Variants in TNPO1 observed in about 807,000 individuals in gnomAD.
The protein encoded by TNPO1 is transportin-1.
A neutral mutation model predicts 119.5 loss-of-function variants in TNPO1; 8 were observed. The ratio of observed to expected loss-of-function variants is 0.07; its 90% CI spans 0.04 to 0.12. The LOEUF (loss-of-function observed/expected upper bound fraction) is 0.12. Among genes scored for constraint, TNPO1 ranks in the 10% least tolerant of loss-of-function variants. The probability of loss-of-function intolerance (pLI) is 1.00; values close to 1 mark genes in which losing one functional copy is unlikely to be tolerated. For missense variants in TNPO1, 576 were observed against 1,089.8 expected, an observed-to-expected ratio of 0.53 and a Z score of 6.64; for synonymous variants, 362 against 363.0, an observed-to-expected ratio of 1.00 and a Z score of 0.03.
intron 9 of TNPO1, among the ~76,000 whole-genome samples, chr5:72,880,551 A>G (rs1748162084): frequency 6.6e-6 from 1 of 152,218 alleles, no homozygotes; most frequent in Non-Finnish European, 1.5e-5. Context: ...GCAGTGGCTT[A>G]TGCCTGTAAT....
chr5:72,886,843 C>G (rs573395396), intron 11 of TNPO1, among the ~76,000 whole-genome samples: 17 of 137,362 alleles, frequency 1.2e-4, no homozygotes, highest in Non-Finnish European at 2.3e-4. Flanking sequence ...GAGCCAAGAT[C>G]GCACCACTGC....
chr5:72,816,860 C>G, intron 1 of TNPO1, 108 bp downstream of exon 1: 1 of 1,349,028 alleles, frequency 7.4e-7, no homozygotes, highest in Non-Finnish European at 9.9e-7. Flanking sequence ...CTCGCCCGCT[C>G]TCTCGGCGCC....
intron 22 of TNPO1, among the ~76,000 whole-genome samples, chr5:72,902,916 A>G (rs1314560072): frequency 2.0e-5 from 3 of 152,090 alleles, no homozygotes; most frequent in Admixed American, 6.5e-5. Context: ...ATAAACATAC[A>G]CACACTGTAG....
At chr5:72,828,771 T>C (rs1744320412) in intron 1 of TNPO1, among the ~76,000 whole-genome samples, 1 of 152,168 alleles carries the variant, frequency 6.6e-6, no homozygotes, top group Admixed American at 6.5e-5. Context: ...TTTTATGCTA[T>C]ATTTAGTTGT....
intron 1 of TNPO1, among the ~76,000 whole-genome samples, chr5:72,834,030 T>C (rs959681035): frequency 2.0e-5 from 3 of 152,164 alleles, no homozygotes; most frequent in Non-Finnish European, 4.4e-5. Context: ...CAGTCAACGA[T>C]GGACTACATA....
At chr5:72,860,702 A>G (rs974414094) in intron 4 of TNPO1, among the ~76,000 whole-genome samples, 3 of 152,190 alleles carry the variant, frequency 2.0e-5, no homozygotes, top group Non-Finnish European at 2.9e-5. Flanking sequence ...GCAGTGAAAC[A>G]TACAGGATTA....
chr5:72,823,911 A>G (rs1744094750), intron 1 of TNPO1, among the ~76,000 whole-genome samples: 1 of 152,110 alleles, frequency 6.6e-6, no homozygotes, highest in African/African-American at 2.4e-5. Context: ...ACTATTTCAT[A>G]TCTTATTTTC....
chr5:72,855,416 G>T (rs1440824215), intron 3 of TNPO1, among the ~76,000 whole-genome samples: 1 of 152,126 alleles, frequency 6.6e-6, no homozygotes, highest in Non-Finnish European at 1.5e-5. Context: ...TTAAATCAGT[G>T]GTTCTCAACC....
At chr5:72,851,364 C>T (rs777823775) in intron 3 of TNPO1, 45 bp downstream of exon 3, 44 of 1,138,366 alleles carry the variant, frequency 3.9e-5, no homozygotes, top group Non-Finnish European at 5.0e-5. Context: ...TTCTTTAAGA[C>T]CTGTTTAAAT....
intron 5 of TNPO1, 28 bp downstream of exon 5, chr5:72,861,942 G>C (rs747765365): frequency 5.8e-6 from 9 of 1,548,012 alleles, no homozygotes; most frequent in South Asian, 5.6e-5. Context: ...ATACATAATT[G>C]GGTGTTTTCT....
chr5:72,889,651 G>T, intron 13 of TNPO1, 135 bp from the exon 14 acceptor site: 5 of 799,842 alleles, frequency 6.3e-6, no homozygotes, highest in Non-Finnish European at 9.5e-6. Flanking sequence ...TGATGACCAG[G>T]GCTTTCATTA....
At position 72,844,273 on chromosome 5, in the gene TNPO1, C is replaced by T. The variant is rs184134456; in HGVS notation, c.16-4112C>T. On this transcript the variant is annotated intron_variant, in intron 1 of 24. Coordinates refer to ENST00000337273, the MANE Select transcript of TNPO1 (RefSeq NM_002270.4). ...GTGAGGAGATCTTGGAATAATGACA[C>T]AGAAGAGAAATAGTATCCAGTATCA... Among the ~76,000 whole-genome samples, 78 of 152,220 alleles carry T rather than the reference C, an allele frequency of 5.1e-4. 2 individuals are homozygous for T. Among genetic ancestry groups the T allele is most frequent in the African/African-American group, 1.7e-3 (71 of 41,542 alleles).
intron 1 of TNPO1, among the ~76,000 whole-genome samples, chr5:72,831,543 A>G (rs1744468949): frequency 6.6e-6 from 1 of 151,948 alleles, no homozygotes; most frequent in Admixed American, 6.6e-5. Flanking sequence ...CATATTATTA[A>G]CATATTAAAA....
rs548282942 is a variant in TNPO1 at position 72,887,640 on chromosome 5, G to C, written c.1303+418G>C. On this transcript the variant is annotated intron_variant, in intron 12 of 24. Coordinates refer to ENST00000337273, the MANE Select transcript of TNPO1 (RefSeq NM_002270.4). Reference sequence around the variant, plus strand: ...GTGGTAGTTGCAGTGAGCTGAATTCGTGCGATTGCACTCCAGCCTGGGTGA... The same window carrying C: ...GTGGTAGTTGCAGTGAGCTGAATTCCTGCGATTGCACTCCAGCCTGGGTGA... Among the ~76,000 whole-genome samples the C allele has an allele frequency of 4.4e-4, 67 of 152,264 alleles. No individual in the cohort carries two copies. In the South Asian group the frequency reaches 5.0e-3, roughly 11 times the overall value.
chr5:72,890,810 A>G (rs954573203), intron 14 of TNPO1, among the ~76,000 whole-genome samples: 2 of 152,160 alleles, frequency 1.3e-5, no homozygotes, highest in African/African-American at 4.8e-5. Flanking sequence ...TTAAAAATGT[A>G]CTATATAGTA....
Position 72,905,340 on chromosome 5 carries a change from A to G in TNPO1, c.2627A>G (p.Asn876Ser). 6.2e-7 allele frequency: 1 copy of G among 1,611,572 alleles called. No homozygotes were observed. The highest frequency in any genetic ancestry group is 8.5e-7 in the Non-Finnish European group (1 of 1,179,740). Residue 876 changes from asparagine to serine, a missense_variant, in exon 24 of 25, where the codon AAT (asparagine) becomes AGT (serine). Asn to Ser is a conservative substitution (Grantham distance 46). Coordinates refer to ENST00000337273, the MANE Select transcript of TNPO1 (RefSeq NM_002270.4). ...HGFKNQVGDE[N>S]WRRFSDQFPL... Reference sequence around the variant, plus strand: ...TTTAAAAATCAAGTTGGCGATGAAAATTGGAGGCGTTTCTCTGACCAGTTT... The same window carrying G: ...TTTAAAAATCAAGTTGGCGATGAAAGTTGGAGGCGTTTCTCTGACCAGTTT...
chr5:72,908,946 CAAAAA>C lies in TNPO1; in HGVS notation c.*282_*286del. 1 of 361,414 alleles carries C rather than the reference CAAAAA, an allele frequency of 2.8e-6. No individual in the cohort carries two copies. Among genetic ancestry groups the C allele is most frequent in the East Asian group, 8.5e-5 (1 of 11,710 alleles). The allele number at this position is 361,414 out of a possible 1,614,324, so 22.4% of individuals were successfully genotyped here. On this transcript the variant is annotated 3_prime_UTR_variant, in exon 25 of 25. Transcript: ENST00000337273. ...CAACTCCGCAGTGGATGTGAAGAAG[CAAAAA>C]AAAAAAAATCTATTCAGTCTACTCA...
At chr5:72,891,973 A>C (rs550868290) in intron 15 of TNPO1, 77 bp downstream of exon 15, 1 of 1,076,786 alleles carries the variant, frequency 9.3e-7, no homozygotes, top group South Asian at 1.5e-5. Flanking sequence ...ATGATAAGAA[A>C]AGTGTTAATA....
chr5:72,883,950 A>G (rs1354320004), intron 11 of TNPO1, among the ~76,000 whole-genome samples: 3 of 149,866 alleles, frequency 2.0e-5, no homozygotes, highest in South Asian at 2.1e-4. Flanking sequence ...CAGTTTTGCC[A>G]TGTTGCCCAG....
Sources: gnomAD v4.1 joint callset for allele counts (sites outside exome capture counted in the v4.1 genomes callset) on GRCh38, gnomAD v4.1.1 for gene constraint, MANE v1.5 for transcripts, NCBI Gene and HGNC (gene_info 2026-07-23, HGNC 2026-07-21) for gene names.